Variants in MYO5A observed in about 807,000 individuals in gnomAD.
The protein encoded by MYO5A is myosin VA.
Under a neutral mutation model 249.7 loss-of-function variants are expected in MYO5A, and 98 were observed. The ratio of observed to expected loss-of-function variants is 0.39; its 90% confidence interval spans 0.33 to 0.46. The LOEUF is 0.46. Among genes scored for constraint, MYO5A ranks in the 20% least tolerant of loss-of-function variants. The probability of loss-of-function intolerance (pLI) is 0.98; values close to 1 mark genes in which losing one functional copy is unlikely to be tolerated. For missense variants in MYO5A, 1,696 were observed against 2,308.8 expected, an observed-to-expected ratio of 0.73 and a Z score of 5.44; for synonymous variants, 778 against 810.6, an observed-to-expected ratio of 0.96 and a Z score of 0.68.
chr15:52,510,731 G>A lies in MYO5A; in HGVS notation c.27+18049C>T, dbSNP rs183541971. 5.9e-5 allele frequency among the ~76,000 whole-genome samples: 9 copies of A among 152,236 alleles called. No individual in the cohort carries two copies. In the East Asian group the frequency reaches 1.5e-3, roughly 26 times the overall value. On this transcript the variant is annotated intron_variant, in intron 1 of 41. Coordinates refer to ENST00000399233, the MANE Select transcript of MYO5A (RefSeq NM_001382347.1). ...CACCCCAAAACCAACCATCACCATC[G>A]CCACACCTGCTCCCCAGGTCTGTGG... is the stretch of plus-strand genomic sequence containing the variant.
chr15:52,456,986 C>T (rs1232508916), intron 1 of MYO5A, among the ~76,000 whole-genome samples: 1 of 152,136 alleles, frequency 6.6e-6, no homozygotes, highest in Non-Finnish European at 1.5e-5. Flanking sequence ...AAGGCTTCTA[C>T]ACAGCAAAGA....
chr15:52,477,884 G>C lies in MYO5A; in HGVS notation c.28-44599C>G, dbSNP rs149693382. The stretch of plus-strand genomic sequence containing the variant: ...AGGGACCCACTTGAGGAGGCAGTCT[G>C]TCTGTTCTCAGATCTCAAACTCCAT... On this transcript the variant is annotated intron_variant, in intron 1 of 41. Transcript: ENST00000399233. Among the ~76,000 whole-genome samples, 763 of 152,344 alleles carry C rather than the reference G, an allele frequency of 5.0e-3. 5 individuals carry two copies. Among genetic ancestry groups the C allele is most frequent in the Middle Eastern group, 0.01 (3 of 292 alleles).
At chr15:52,472,727 CT>C (rs1012351517) in intron 1 of MYO5A, among the ~76,000 whole-genome samples, 34 of 152,022 alleles carry the variant, frequency 2.2e-4, no homozygotes, top group Admixed American at 5.9e-4. Context: ...TGAACTCATC[CT>C]TTTTTATGGC....
intron 1 of MYO5A, among the ~76,000 whole-genome samples, chr15:52,493,349 A>C (rs1189556076): frequency 2.0e-5 from 3 of 152,200 alleles, no homozygotes; most frequent in Non-Finnish European, 4.4e-5. Context: ...AGAATGGAGA[A>C]TGTTTCTTCC....
rs1426154113 is a variant in MYO5A, at chr15:52,311,135, C to T, written c.*2561G>A. 6.6e-6 allele frequency: 1 copy of T among 152,256 alleles called. No homozygotes were observed. The highest frequency in any genetic ancestry group is 2.1e-4 in the South Asian group (1 of 4,832). The allele number at this position is 152,256 out of a possible 1,614,324, so 9.4% of individuals were successfully genotyped here. A position where few individuals can be genotyped will look rare whatever the true frequency, so the allele number is the denominator to read the frequency against. ...GAGAAGGGCTCAGACCACAGCCTTT[C>T]TTTCATGACGCTTCAGTACATGAGC... On this transcript the variant is annotated 3_prime_UTR_variant, in exon 42 of 42. Transcript: ENST00000399233.
At position 52,456,407 on chromosome 15, in the gene MYO5A, T is replaced by C. The variant is rs557141302; in HGVS notation, c.28-23122A>G. Among the ~76,000 whole-genome samples, 8 of 152,196 alleles carry C rather than the reference T, an allele frequency of 5.3e-5. No homozygotes were observed. In the East Asian group the frequency reaches 5.8e-4, roughly 11 times the overall value. On this transcript the variant is annotated intron_variant, in intron 1 of 41. Coordinates refer to ENST00000399233, the MANE Select transcript of MYO5A (RefSeq NM_001382347.1). ...AGTATCACCCAAAGCAATTTACAGA[T>C]TCAATGCAATCCATTTCAAAAATAC...
intron 28 of MYO5A, 118 bp from the exon 29 acceptor site, chr15:52,348,944 C>A: frequency 9.0e-7 from 1 of 1,112,642 alleles, no homozygotes; most frequent in Non-Finnish European, 1.3e-6. Context: ...TTAAAAACAG[C>A]CATGAGTTGT....
rs1230436749 is a variant in MYO5A at position 52,307,850 on chromosome 15, CAA to C, written c.*5844_*5845del. 6.6e-6 allele frequency: 1 copy of C among 151,988 alleles called. No individual in the cohort carries two copies. The highest frequency in any genetic ancestry group is 1.5e-5 in the Non-Finnish European group (1 of 67,944). The allele number at this position is 151,988 out of a possible 1,614,324, so 9.4% of individuals were successfully genotyped here. A position where few individuals can be genotyped will look rare whatever the true frequency, so the allele number is the denominator to read the frequency against. On this transcript the variant is annotated 3_prime_UTR_variant, in exon 42 of 42. Coordinates refer to ENST00000399233, the MANE Select transcript of MYO5A (RefSeq NM_001382347.1). The stretch of plus-strand genomic sequence containing the variant: ...GCGCAATTTAAATCTCCCAAAGACA[CAA>C]AAAAGTCAATTTTACTGCAGGATCC...
chr15:52,337,989 A>G (rs2039197920), intron 32 of MYO5A, 105 bp from the exon 33 acceptor site: 4 of 741,270 alleles, frequency 5.4e-6, no homozygotes, highest in Non-Finnish European at 8.8e-6. Context: ...ACAAATAGTG[A>G]AACTATATAT....
At position 52,376,427 on chromosome 15, in the gene MYO5A, C is replaced by T. The variant is rs2041419177; in HGVS notation, c.2340G>A (p.Trp780Ter). 1 of 1,614,126 alleles carries T rather than the reference C, an allele frequency of 6.2e-7. No homozygotes were observed. The highest frequency in any genetic ancestry group is 8.5e-7 in the Non-Finnish European group (1 of 1,180,022). ...CIRIQKTIRG[W>*]LLRKKYLRMR... ...TGCGTAGGTACTTCTTTCTCAGCAG[C>T]CACCCTCGGATGGTCTTCTGGATCC... The change falls in exon 19 of 42, where the codon TGG becomes TGA. Residue 780 changes from tryptophan (W) to a stop codon, truncating the protein, a stop_gained. Transcript: ENST00000399233. LOFTEE classifies it high-confidence loss of function.
intron 1 of MYO5A, among the ~76,000 whole-genome samples, chr15:52,466,302 G>A (rs973458100): frequency 6.6e-6 from 1 of 152,172 alleles, no homozygotes; most frequent in Admixed American, 6.5e-5. Context: ...GGCTCCCACA[G>A]CCAGAACTGA....
At chr15:52,429,697 AC>A (rs2075481732) in intron 2 of MYO5A, among the ~76,000 whole-genome samples, 1 of 73,680 alleles carries the variant, frequency 1.4e-5, no homozygotes, top group Non-Finnish European at 4.3e-5. Flanking sequence ...TCAAAAAAAA[AC>A]AAAAAAACAA....
intron 1 of MYO5A, among the ~76,000 whole-genome samples, chr15:52,470,463 C>T (rs1485424651): frequency 2.6e-5 from 4 of 151,786 alleles, no homozygotes; most frequent in Non-Finnish European, 4.4e-5. Flanking sequence ...AACACCCGGA[C>T]CAACATGGAG....
At chr15:52,379,561 G>T in intron 18 of MYO5A, 64 bp downstream of exon 18, 1 of 1,441,480 alleles carries the variant, frequency 6.9e-7, no homozygotes, top group Non-Finnish European at 9.8e-7. Context: ...AAGTTCCCGG[G>T]GCTTTCCAAG....
chr15:52,422,234 A>C (rs2043827236), intron 4 of MYO5A, among the ~76,000 whole-genome samples: 1 of 152,246 alleles, frequency 6.6e-6, no homozygotes, highest in South Asian at 2.1e-4. Context: ...TTTAAAAAGA[A>C]GCCATGAGTC....
chr15:52,396,529 G>A (rs960357898), intron 10 of MYO5A, 132 bp from the exon 11 acceptor site: 1 of 630,116 alleles, frequency 1.6e-6, no homozygotes, highest in Non-Finnish European at 2.8e-6. Context: ...TTCCATATCA[G>A]TGAAAATAAA....
chr15:52,436,974 G>T (rs11637579), intron 1 of MYO5A, among the ~76,000 whole-genome samples: 1,532 of 152,316 alleles, frequency 0.01, 13 homozygotes, highest in Non-Finnish European at 0.018. Flanking sequence ...CTAGTTTATT[G>T]CAAAGGCTTA....
chr15:52,346,986 C>T (rs1296965895), intron 29 of MYO5A, among the ~76,000 whole-genome samples: 1 of 151,840 alleles, frequency 6.6e-6, no homozygotes, highest in Non-Finnish European at 1.5e-5. Context: ...AGATTATATG[C>T]TTCAGCAAAA....
At chr15:52,350,594 T>C (rs897676762) in intron 28 of MYO5A, among the ~76,000 whole-genome samples, 2 of 152,142 alleles carry the variant, frequency 1.3e-5, no homozygotes, top group Admixed American at 6.5e-5. Flanking sequence ...GTTTTCAAGG[T>C]GATCACTCAG....
Sources: allele counts gnomAD v4.1 joint callset (sites outside exome capture counted in the v4.1 genomes callset), GRCh38; gene constraint gnomAD v4.1.1; transcripts MANE v1.5; gene names NCBI Gene and HGNC (gene_info 2026-07-23, HGNC 2026-07-21).